Variants in MSRA observed in about 807,000 individuals in gnomAD.
The protein encoded by MSRA is mitochondrial peptide methionine sulfoxide reductase.
A neutral mutation model predicts 31.3 loss-of-function variants in MSRA; 54 were observed. The observed-to-expected ratio is 1.73, with a 90% CI of 1.39 to 2.17. The LOEUF is 2.17. Ranked by LOEUF, MSRA falls within the 30% of genes most tolerant of loss-of-function variation. MSRA has a pLI of 0.00. For synonymous variants in MSRA, 169 were observed against 116.5 expected, an observed-to-expected ratio of 1.45 and a Z score of -2.90; for missense variants, 507 against 300.9, an observed-to-expected ratio of 1.69 and a Z score of -5.07.
chr8:10,239,391 A>G (rs1164307130), intron 2 of MSRA, among the ~76,000 whole-genome samples: 1 of 152,074 alleles, frequency 6.6e-6, no homozygotes, highest in East Asian at 1.9e-4. Context: ...CGATGTCTTG[A>G]CCTTGTGATC....
chr8:10,364,111 T>G (rs1047869831), intron 5 of MSRA, among the ~76,000 whole-genome samples: 1 of 152,182 alleles, frequency 6.6e-6, no homozygotes, highest in Admixed American at 6.5e-5. Context: ...TGCTCATTAC[T>G]CAAGGTCCAG....
chr8:10,244,691 A>C (rs1326397713), intron 2 of MSRA, among the ~76,000 whole-genome samples: 2 of 152,238 alleles, frequency 1.3e-5, no homozygotes, highest in African/African-American at 2.4e-5. Flanking sequence ...TGGGTAACTT[A>C]GTGCTATACT....
At chr8:10,164,815 G>A (rs1804973573) in intron 1 of MSRA, among the ~76,000 whole-genome samples, 2 of 152,150 alleles carry the variant, frequency 1.3e-5, no homozygotes, top group Admixed American at 6.5e-5. Flanking sequence ...GGATCACAAG[G>A]TCAGGAGTTC....
Position 10,288,121 on chromosome 8 carries a change from G to A in MSRA, c.332-13413G>A, listed in dbSNP as rs1166085267. Among the ~76,000 whole-genome samples, 3 of 152,096 alleles carry A rather than the reference G, an allele frequency of 2.0e-5. No homozygotes were observed. The East Asian group carries it at 5.8e-4, about 29-fold the overall frequency. On this transcript the variant is annotated intron_variant, in intron 3 of 5. Transcript: ENST00000317173. ...ATGAGGCTGGAATTATAGTTGGTTT[G>A]GTCACCATTTTGATTGTACTGATAT...
At chr8:10,294,443 C>G (rs537883505) in intron 3 of MSRA, among the ~76,000 whole-genome samples, 4 of 152,156 alleles carry the variant, frequency 2.6e-5, no homozygotes, top group African/African-American at 9.7e-5. Flanking sequence ...TGGGTGCTAT[C>G]AGTGTCCCCA....
intron 4 of MSRA, among the ~76,000 whole-genome samples, chr8:10,310,091 G>A (rs996935397): frequency 1.3e-5 from 2 of 152,196 alleles, no homozygotes; most frequent in African/African-American, 4.8e-5. Flanking sequence ...CTTGAAGTTA[G>A]TTTTTTAAAA....
At chr8:10,367,525 G>T (rs942357248) in intron 5 of MSRA, among the ~76,000 whole-genome samples, 1 of 152,186 alleles carries the variant, frequency 6.6e-6, no homozygotes. Context: ...GAACATCCTC[G>T]TGTGCTAGTC....
intron 1 of MSRA, among the ~76,000 whole-genome samples, chr8:10,062,311 ATTC>A (rs890914264): frequency 6.6e-6 from 1 of 152,224 alleles, no homozygotes; most frequent in African/African-American, 2.4e-5. Flanking sequence ...GGAAGACTGA[ATTC>A]TACAAGAGAT....
intron 1 of MSRA, among the ~76,000 whole-genome samples, chr8:10,190,346 C>T (rs2129053247): frequency 6.6e-6 from 1 of 152,322 alleles, no homozygotes. Context: ...GCCTGTGCCG[C>T]TTCTGTCCGT....
At chr8:10,265,652 T>C (rs1038172904) in intron 3 of MSRA, among the ~76,000 whole-genome samples, 7 of 152,194 alleles carry the variant, frequency 4.6e-5, no homozygotes. Context: ...GTGAACAGTA[T>C]ACGTTTTGAC....
intron 1 of MSRA, among the ~76,000 whole-genome samples, chr8:10,181,477 G>T (rs1806533764): frequency 6.7e-6 from 1 of 149,840 alleles, no homozygotes. Context: ...AGGAAATGAG[G>T]CCGAAGACCC....
intron 1 of MSRA, among the ~76,000 whole-genome samples, chr8:10,088,028 C>T (rs1348830270): frequency 6.6e-6 from 1 of 152,278 alleles, no homozygotes; most frequent in East Asian, 1.9e-4. Flanking sequence ...ATTTCTTTGT[C>T]CTTTGTCAAA....
chr8:10,412,633 AG>A (rs1373851296), intron 5 of MSRA, among the ~76,000 whole-genome samples: 2 of 152,182 alleles, frequency 1.3e-5, no homozygotes, highest in African/African-American at 4.8e-5. Context: ...AATGGACACG[AG>A]ATTAGAACAG....
intron 1 of MSRA, among the ~76,000 whole-genome samples, chr8:10,079,009 T>A (rs1426983793): frequency 2.0e-5 from 3 of 152,216 alleles, no homozygotes; most frequent in African/African-American, 4.8e-5. Flanking sequence ...ACATTCGTGT[T>A]GTTCCAGTAT....
intron 2 of MSRA, among the ~76,000 whole-genome samples, chr8:10,230,089 T>C (rs547627500): frequency 3.9e-5 from 6 of 152,348 alleles, no homozygotes; most frequent in Admixed American, 2.6e-4. Context: ...AGGAGCCTCA[T>C]ACGTGCAAGG....
Position 10,338,082 on chromosome 8 carries a change from C to T in MSRA, c.543+18093C>T, listed in dbSNP as rs556230976. Among the ~76,000 whole-genome samples the T allele has an allele frequency of 2.0e-3, 298 of 152,028 alleles. 1 individual carries two copies. The highest frequency in any genetic ancestry group is 2.9e-3 in the Non-Finnish European group (197 of 67,992). On this transcript the variant is annotated intron_variant, in intron 5 of 5. Coordinates refer to ENST00000317173, the MANE Select transcript of MSRA (RefSeq NM_012331.5). ...AAGTGGGAGAAAAAGGCAAATAGGA[C>T]GTGTGAGGAATTAGGCAGGAGTAGG...
At chr8:10,078,127 G>A (rs960499668) in intron 1 of MSRA, among the ~76,000 whole-genome samples, 4 of 152,168 alleles carry the variant, frequency 2.6e-5, no homozygotes, top group Non-Finnish European at 5.9e-5. Flanking sequence ...ACTGTTTTCC[G>A]GTAAGTACAC....
chr8:10,054,754 G>A, intron 1 of MSRA, 96 bp downstream of exon 1: 2 of 1,294,256 alleles, frequency 1.5e-6, no homozygotes, highest in Non-Finnish European at 2.0e-6. Flanking sequence ...GGAAGCCGTG[G>A]GCTGGCCTCG....
At chr8:10,402,990 C>G (rs192629440) in intron 5 of MSRA, among the ~76,000 whole-genome samples, 10 of 152,320 alleles carry the variant, frequency 6.6e-5, no homozygotes, top group Admixed American at 5.2e-4. Context: ...GAAGAGAAGA[C>G]AGCTTCTAAG....
Sources: gnomAD v4.1 joint callset for allele counts (sites outside exome capture counted in the v4.1 genomes callset) on GRCh38, gnomAD v4.1.1 for gene constraint, MANE v1.5 for transcripts, NCBI Gene and HGNC (gene_info 2026-07-23, HGNC 2026-07-21) for gene names.